NRXN3: variants seen among roughly 807,000 people sequenced by gnomAD.
The protein encoded by NRXN3 is neurexin III.
NRXN3 carries 32 observed loss-of-function variants against 137.6 expected under a neutral mutation model. The observed-to-expected ratio is 0.23, with a 90% confidence interval of 0.18 to 0.31. The LOEUF (loss-of-function observed/expected upper bound fraction) is 0.31, where lower values mean the gene tolerates loss of function less well. Among genes scored for constraint, NRXN3 ranks in the 10% least tolerant of loss-of-function variants. The pLI, the probability that NRXN3 is intolerant of heterozygous loss-of-function variation, is 1.00. For missense variants in NRXN3, 1,574 were observed against 2,062.5 expected (o/e 0.76, Z 4.59); for synonymous variants, 798 against 784.5 (o/e 1.02, Z -0.29).
At chr14:79,854,589 C>T (rs2099398668) in intron 20 of NRXN3, among the ~76,000 whole-genome samples, 1 of 152,164 alleles carries the variant, frequency 6.6e-6, no homozygotes, top group Non-Finnish European at 1.5e-5. Flanking sequence ...AGCCTGGCCT[C>T]TTTGCCTGAA....
At chr14:79,362,805 G>A (rs111624022) in intron 15 of NRXN3, among the ~76,000 whole-genome samples, 2 of 152,302 alleles carry the variant, frequency 1.3e-5, no homozygotes, top group African/African-American at 2.4e-5. Flanking sequence ...CAGCAGGCAC[G>A]ATAAGTTTAC....
intron 15 of NRXN3, among the ~76,000 whole-genome samples, chr14:79,287,137 TAC>T (rs1395412422): frequency 6.6e-6 from 1 of 152,216 alleles, no homozygotes; most frequent in Non-Finnish European, 1.5e-5. Flanking sequence ...TATCTATACA[TAC>T]ACTTTTTTGC....
At chr14:78,333,419 T>C (rs2153572818) in intron 4 of NRXN3, among the ~76,000 whole-genome samples, 1 of 152,296 alleles carries the variant, frequency 6.6e-6, no homozygotes, top group African/African-American at 2.4e-5. Flanking sequence ...AACAAAAATA[T>C]TCCTGCCTTT....
intron 4 of NRXN3, among the ~76,000 whole-genome samples, chr14:78,315,420 C>A (rs564175754): frequency 8.5e-5 from 13 of 152,306 alleles, no homozygotes; most frequent in African/African-American, 3.1e-4. Context: ...AACTGTAGGA[C>A]CTGCAGCTCT....
chr14:78,906,292 A>G (rs1050783427), intron 10 of NRXN3, among the ~76,000 whole-genome samples: 2 of 152,046 alleles, frequency 1.3e-5, no homozygotes, highest in African/African-American at 4.8e-5. Context: ...TTTTCTTTAC[A>G]CTGTGCCCTG....
intron 4 of NRXN3, among the ~76,000 whole-genome samples, chr14:78,523,449 A>G (rs767367274): frequency 6.6e-5 from 10 of 152,058 alleles, no homozygotes; most frequent in Non-Finnish European, 1.3e-4. Context: ...CATAAATCAA[A>G]TCTTAACTCT....
chr14:78,514,967 T>C (rs969987037), intron 4 of NRXN3, among the ~76,000 whole-genome samples: 3 of 152,154 alleles, frequency 2.0e-5, no homozygotes, highest in African/African-American at 7.2e-5. Flanking sequence ...GGAGCAGCTG[T>C]CATTGCTCTG....
intron 16 of NRXN3, among the ~76,000 whole-genome samples, chr14:79,472,896 C>T (rs577464317): frequency 2.0e-5 from 3 of 152,204 alleles, no homozygotes; most frequent in South Asian, 2.1e-4. Context: ...AATAGAAGGT[C>T]GGGGAGAACT....
intron 15 of NRXN3, among the ~76,000 whole-genome samples, chr14:79,261,966 G>A (rs2077672500): frequency 1.3e-5 from 2 of 151,996 alleles, no homozygotes; most frequent in Admixed American, 6.6e-5. Context: ...CTAATGTGGT[G>A]GGAGTAAAGA....
chr14:79,369,134 G>A (rs2094000135), intron 15 of NRXN3, among the ~76,000 whole-genome samples: 1 of 152,210 alleles, frequency 6.6e-6, no homozygotes, highest in South Asian at 2.1e-4. Context: ...ATGACGAGCA[G>A]TGTGATGATG....
intron 10 of NRXN3, among the ~76,000 whole-genome samples, chr14:78,874,755 C>T (rs1346496602): frequency 6.6e-6 from 1 of 152,154 alleles, no homozygotes; most frequent in Non-Finnish European, 1.5e-5. Flanking sequence ...TGTTCTGACA[C>T]TGATTTGGGG....
intron 16 of NRXN3, among the ~76,000 whole-genome samples, chr14:79,480,128 C>G (rs1315388696): frequency 6.6e-6 from 1 of 152,138 alleles, no homozygotes; most frequent in Non-Finnish European, 1.5e-5. Flanking sequence ...GGCCTGTCAT[C>G]CCTTGGTCTG....
intron 10 of NRXN3, among the ~76,000 whole-genome samples, chr14:78,946,636 G>T (rs1016867812): frequency 6.6e-6 from 1 of 152,092 alleles, no homozygotes; most frequent in African/African-American, 2.4e-5. Context: ...GTTTTCTTCT[G>T]CTTGATGCCC....
At chr14:79,709,005 G>A (rs898210024) in intron 19 of NRXN3, among the ~76,000 whole-genome samples, 3 of 152,082 alleles carry the variant, frequency 2.0e-5, no homozygotes, top group East Asian at 1.9e-4. Flanking sequence ...GAGAGACAGG[G>A]AGAGAGGGAG....
intron 16 of NRXN3, among the ~76,000 whole-genome samples, chr14:79,529,563 A>G (rs1454676669): frequency 6.6e-6 from 1 of 152,274 alleles, no homozygotes; most frequent in African/African-American, 2.4e-5. Flanking sequence ...CATGTACTTA[A>G]CTGAGTATTA....
chr14:79,151,266 C>G (rs1222672585), intron 15 of NRXN3, among the ~76,000 whole-genome samples: 1 of 151,968 alleles, frequency 6.6e-6, no homozygotes, highest in Non-Finnish European at 1.5e-5. Context: ...ATGGTAAAGC[C>G]TCAAGACTTC....
chr14:79,373,048 CT>C (rs1566941501), intron 15 of NRXN3, among the ~76,000 whole-genome samples: 1 of 152,114 alleles, frequency 6.6e-6, no homozygotes, highest in Non-Finnish European at 1.5e-5. Flanking sequence ...TCTGACGCTT[CT>C]TATCAACACC....
At chr14:79,226,167 C>T (rs1387474930) in intron 15 of NRXN3, among the ~76,000 whole-genome samples, 2 of 152,150 alleles carry the variant, frequency 1.3e-5, no homozygotes, top group African/African-American at 4.8e-5. Flanking sequence ...CATGACTCCC[C>T]ATCACGACAG....
chr14:78,236,790 A>C (rs909260728), intron 1 of NRXN3, among the ~76,000 whole-genome samples: 2 of 140,430 alleles, frequency 1.4e-5, no homozygotes, highest in Non-Finnish European at 3.1e-5. Flanking sequence ...TTAAATAGCT[A>C]TAGGAATGAG....
Sources: allele counts gnomAD v4.1 joint callset (sites outside exome capture counted in the v4.1 genomes callset), GRCh38; gene constraint gnomAD v4.1.1; transcripts MANE v1.5; gene names NCBI Gene and HGNC (gene_info 2026-07-23, HGNC 2026-07-21).